Variants in SH3PXD2B observed in about 807,000 individuals in gnomAD.
SH3PXD2B encodes the protein SH3 and PX domain-containing protein 2B.
SH3PXD2B carries 37 observed loss-of-function variants against 73.1 expected under a neutral mutation model. The observed-to-expected ratio is 0.51, with a 90% CI of 0.39 to 0.67. The LOEUF (loss-of-function observed/expected upper bound fraction) is 0.67, where lower values mean the gene tolerates loss of function less well. SH3PXD2B is among the 30% of genes least tolerant of loss of function. The pLI, the probability that SH3PXD2B is intolerant of heterozygous loss-of-function variation, is 0.00. For missense variants in SH3PXD2B, 1,053 were observed against 1,197.8 expected, an observed-to-expected ratio of 0.88 and a Z score of 1.78; for synonymous variants, 457 against 480.5, an observed-to-expected ratio of 0.95 and a Z score of 0.64.
downstream of SH3PXD2B, among the ~76,000 whole-genome samples, chr5:172,332,256 C>CTTTT (rs57471345): frequency 2.6e-3 from 368 of 143,008 alleles, 14 homozygotes; most frequent in African/African-American, 7.2e-3. Flanking sequence ...TTTTTCCTTC[C>CTTTT]TTTTTTTTTT....
At position 172,339,455 on chromosome 5, in the gene SH3PXD2B, C is replaced by T. The variant is rs1338726456; in HGVS notation, c.1650G>A (p.Arg550=). The change falls in exon 13 of 13, where the codon CGG becomes CGA. Residue 550 remains arginine (R), a synonymous_variant. Coordinates refer to ENST00000311601, the MANE Select transcript of SH3PXD2B (RefSeq NM_001017995.3). The surrounding 1 kb of genome is among the most constrained non-coding windows in gnomAD (Gnocchi z 6.1). ...CGCCCGGAGGCTTGGGAGTGGGGCC[C>T]CGGAGCTGCTCCGTCCTCTGCCGCT... The part of the protein sequence containing the change: ...ERERQRTEQL[R]GPTPKPPGVI... 1 of 1,613,894 alleles carries T rather than the reference C, an allele frequency of 6.2e-7. No individual in the cohort carries two copies. The highest frequency in any genetic ancestry group is 1.1e-5 in the South Asian group (1 of 91,094).
Position 172,335,709 on chromosome 5 carries a change from C to T in SH3PXD2B, c.*2660G>A, listed in dbSNP as rs1756673356. The T allele has an allele frequency of 8.1e-7, 1 of 1,231,742 alleles. No homozygotes were observed. Among genetic ancestry groups the T allele is most frequent in the South Asian group, 4.1e-5 (1 of 24,312 alleles). The allele number at this position is 1,231,742 out of a possible 1,614,324, so 76.3% of individuals were successfully genotyped here. ...TCAATCGCTCACAGAATAGCGACCA[C>T]AGTCCTGGATGGGGTAAATCTAAGT... On this transcript the variant is annotated 3_prime_UTR_variant, in exon 13 of 13. Transcript: ENST00000311601.
At chr5:172,358,553 C>T (rs1015573981) in intron 8 of SH3PXD2B, among the ~76,000 whole-genome samples, 2 of 152,206 alleles carry the variant, frequency 1.3e-5, no homozygotes, top group Non-Finnish European at 2.9e-5. Flanking sequence ...GCCAGGCTCA[C>T]ATAGGTTGCT....
chr5:172,446,590 C>G (rs530571077), intron 1 of SH3PXD2B, among the ~76,000 whole-genome samples: 9 of 152,342 alleles, frequency 5.9e-5, no homozygotes, highest in African/African-American at 2.2e-4. Flanking sequence ...GGCACAGTCC[C>G]TCTAGCCTTC....
intron 3 of SH3PXD2B, among the ~76,000 whole-genome samples, chr5:172,401,757 A>AAG (rs1228621109): frequency 6.6e-6 from 1 of 152,220 alleles, no homozygotes; most frequent in Non-Finnish European, 1.5e-5. Context: ...CTCTGAACAT[A>AAG]CAGAACAACA....
chr5:172,440,586 T>C (rs1759533208), intron 1 of SH3PXD2B, among the ~76,000 whole-genome samples: 1 of 152,072 alleles, frequency 6.6e-6, no homozygotes. Flanking sequence ...ACTGCAGAAG[T>C]CAAGACAGTT....
chr5:172,454,519 G>C lies in SH3PXD2B; in HGVS notation c.-167C>G, dbSNP rs112436148. 44,833 of 159,020 alleles carry C rather than the reference G, an allele frequency of 0.28. 7,016 individuals carry two copies. The highest frequency in any genetic ancestry group is 0.34 in the Non-Finnish European group (27,269 of 80,952). The allele number at this position is 159,020 out of a possible 1,614,324, so 9.9% of individuals were successfully genotyped here. On this transcript the variant is annotated 5_prime_UTR_variant, in exon 1 of 13. Coordinates refer to ENST00000311601, the MANE Select transcript of SH3PXD2B (RefSeq NM_001017995.3). ...ACCGCCGCCGCCCTTCGCTCGGCGCGCACTCCAGCCGGGCCCAGCCGCCGC... is the reference window on the plus strand; with the variant it reads ...ACCGCCGCCGCCCTTCGCTCGGCGCCCACTCCAGCCGGGCCCAGCCGCCGC...
intron 4 of SH3PXD2B, among the ~76,000 whole-genome samples, chr5:172,383,790 G>C (rs184964231): frequency 3.9e-5 from 6 of 152,126 alleles, no homozygotes; most frequent in African/African-American, 1.2e-4. Flanking sequence ...TCACCATGCT[G>C]AGCCTGAGTC....
chr5:172,369,465 A>T (rs1016584844), intron 6 of SH3PXD2B, among the ~76,000 whole-genome samples: 4 of 152,084 alleles, frequency 2.6e-5, no homozygotes, highest in Non-Finnish European at 5.9e-5. Context: ...GAATGAAGGA[A>T]GGAACAGTTT....
intron 10 of SH3PXD2B, among the ~76,000 whole-genome samples, chr5:172,348,658 T>TCTATCTATCTATC (rs1561896628): frequency 4.1e-4 from 17 of 41,104 alleles, no homozygotes; most frequent in African/African-American, 1.1e-3. Flanking sequence ...ATCTATCCTA[T>TCTATCTATCTATC]CTATCTATCT....
At chr5:172,410,220 A>G (rs1324355580) in intron 2 of SH3PXD2B, among the ~76,000 whole-genome samples, 1 of 152,168 alleles carries the variant, frequency 6.6e-6, no homozygotes, top group East Asian at 1.9e-4. Context: ...GAACCTCTAC[A>G]TTGTTTCCCA....
At chr5:172,410,786 G>C (rs151240406) in intron 2 of SH3PXD2B, among the ~76,000 whole-genome samples, 10 of 152,260 alleles carry the variant, frequency 6.6e-5, no homozygotes, top group African/African-American at 2.2e-4. Flanking sequence ...CAGTGAACAT[G>C]TCCTCTCATA....
chr5:172,327,545 C>T (rs1347107834), intron 12 of SH3PXD2B, among the ~76,000 whole-genome samples: 1 of 152,052 alleles, frequency 6.6e-6, no homozygotes, highest in Non-Finnish European at 1.5e-5. Context: ...TATTTTATTA[C>T]AATACATAAC....
Position 172,336,065 on chromosome 5 carries a change from T to C in SH3PXD2B, c.*2304A>G, listed in dbSNP as rs577699774. 6.1e-6 allele frequency: 6 copies of C among 990,772 alleles called. No homozygotes were observed. Among genetic ancestry groups the C allele is most frequent in the African/African-American group, 5.2e-5 (3 of 57,502 alleles). The allele number at this position is 990,772 out of a possible 1,614,324, so 61.4% of individuals were successfully genotyped here. A position where few individuals can be genotyped will look rare whatever the true frequency, so the allele number is the denominator to read the frequency against. Reference sequence around the variant, plus strand: ...CAAGAGAGAAACTCCTTCAGTGAAGTCAGCAGACAGGACTCAAAGCTCTTC... The same window carrying C: ...CAAGAGAGAAACTCCTTCAGTGAAGCCAGCAGACAGGACTCAAAGCTCTTC... On this transcript the variant is annotated 3_prime_UTR_variant, in exon 13 of 13. Transcript: ENST00000311601.
intron 1 of SH3PXD2B, among the ~76,000 whole-genome samples, chr5:172,438,155 C>A (rs373931375): frequency 6.6e-6 from 1 of 152,172 alleles, no homozygotes; most frequent in Non-Finnish European, 1.5e-5. Flanking sequence ...CTGCCTCTGG[C>A]GGGAACATTT....
chr5:172,339,413 C>T lies in SH3PXD2B; in HGVS notation c.1692G>A (p.Met564Ile). 1 of 1,614,206 alleles carries T rather than the reference C, an allele frequency of 6.2e-7. No homozygotes were observed. The highest frequency in any genetic ancestry group is 1.1e-5 in the South Asian group (1 of 91,080). ...GGGCTGGAGGGATGTGTTTGGCTGG[C>T]ATCATCGGCAAAATCACGCCCGGAG... ...PKPPGVILPM[M>I]PAKHIPPARD... The change falls in exon 13 of 13, where the codon ATG becomes ATA. Residue 564 changes from methionine to isoleucine, a missense_variant. By Grantham distance (10) the Met-to-Ile change is conservative (BLOSUM62 1). This residue lies in a region of SH3PXD2B where 587 missense variants were observed against 590.7 expected (regional missense o/e 0.99). Coordinates refer to ENST00000311601, the MANE Select transcript of SH3PXD2B (RefSeq NM_001017995.3). The surrounding 1 kb of genome is among the most constrained non-coding windows in gnomAD (Gnocchi z 6.1).
At chr5:172,357,417 CTG>C (rs1455449319) in intron 8 of SH3PXD2B, among the ~76,000 whole-genome samples, 1 of 150,822 alleles carries the variant, frequency 6.6e-6, no homozygotes, top group African/African-American at 2.5e-5. Context: ...GAGCAAGACT[CTG>C]TCTCAAAAAA....
At chr5:172,377,507 T>C (rs1457602638) in intron 5 of SH3PXD2B, among the ~76,000 whole-genome samples, 1 of 152,174 alleles carries the variant, frequency 6.6e-6, no homozygotes. Flanking sequence ...CATCACTAGG[T>C]AAGCACCTGC....
chr5:172,355,567 C>T (rs1425631335), intron 8 of SH3PXD2B, among the ~76,000 whole-genome samples: 12 of 148,738 alleles, frequency 8.1e-5, no homozygotes, highest in Non-Finnish European at 3.0e-5. Context: ...TTTTTTTAGA[C>T]GGATTCTCGC....
Sources: allele counts gnomAD v4.1 joint callset (sites outside exome capture counted in the v4.1 genomes callset), GRCh38; gene constraint gnomAD v4.1.1; regional missense constraint gnomAD v4.1.1; non-coding constraint Gnocchi (gnomAD v3.1); transcripts MANE v1.5; gene names NCBI Gene and HGNC (gene_info 2026-07-23, HGNC 2026-07-21).